The following COLEC10 variants were observed in gnomAD, a reference collection of about 807,000 sequenced individuals.
The protein encoded by COLEC10 is collectin-10.
COLEC10 carries 22 observed loss-of-function variants against 28.4 expected under a neutral mutation model. That is an observed-to-expected ratio of 0.78 (90% confidence interval 0.55 to 1.11). The LOEUF (loss-of-function observed/expected upper bound fraction) is 1.11, where lower values mean the gene tolerates loss of function less well. COLEC10 is among the 50% of genes least tolerant of loss of function. The pLI is 0.00. For synonymous variants in COLEC10, 125 were observed against 116.1 expected, an observed-to-expected ratio of 1.08 and a Z score of -0.49; for missense variants, 361 against 344.1, an observed-to-expected ratio of 1.05 and a Z score of -0.39.
At chr8:119,077,764 CT>C (rs199566008) in intron 1 of COLEC10, among the ~76,000 whole-genome samples, 5,268 of 152,014 alleles carry the variant, frequency 0.035, 135 homozygotes, top group South Asian at 0.11. Flanking sequence ...CAGAATTATT[CT>C]TTTTTTTATT....
intron 2 of COLEC10, among the ~76,000 whole-genome samples, chr8:119,012,424 GTT>G (rs1813916350): frequency 6.6e-6 from 1 of 150,506 alleles, no homozygotes; most frequent in East Asian, 1.9e-4. Flanking sequence ...CTGGTCTGTA[GTT>G]TTTTTTCTTG....
chr8:119,103,061 A>G (rs546077397), intron 4 of COLEC10, among the ~76,000 whole-genome samples: 2 of 152,310 alleles, frequency 1.3e-5, no homozygotes, highest in South Asian at 4.1e-4. Context: ...TACCAAAGGA[A>G]AAAAATTGAA....
the COLEC10 span, among the ~76,000 whole-genome samples, chr8:118,984,233 C>A: frequency 6.6e-6 from 1 of 151,972 alleles, no homozygotes; most frequent in Non-Finnish European, 1.5e-5. Context: ...AACACAGGAA[C>A]AGAAAACCAA....
chr8:119,083,628 T>C (rs1815410726), intron 1 of COLEC10, among the ~76,000 whole-genome samples: 1 of 152,196 alleles, frequency 6.6e-6, no homozygotes, highest in Non-Finnish European at 1.5e-5. Flanking sequence ...TACTTAATCT[T>C]TAGGTAACTC....
At chr8:119,015,452 TAGGA>T (rs1338979474) in intron 2 of COLEC10, among the ~76,000 whole-genome samples, 1 of 145,056 alleles carries the variant, frequency 6.9e-6, no homozygotes, top group Non-Finnish European at 1.5e-5. Flanking sequence ...CAGATCTTGT[TAGGA>T]AGAACAGAAT....
chr8:119,040,719 A>G (rs1814479069), intron 2 of COLEC10, among the ~76,000 whole-genome samples: 1 of 152,238 alleles, frequency 6.6e-6, no homozygotes. Flanking sequence ...AGATGTGGGC[A>G]GGAATAAAGG....
intron 1 of COLEC10, among the ~76,000 whole-genome samples, chr8:119,003,778 C>T (rs531927300): frequency 1.3e-5 from 2 of 152,098 alleles, no homozygotes; most frequent in East Asian, 1.9e-4. Context: ...AGCAGATTTC[C>T]CAGATTCTCT....
At chr8:118,997,499 A>G (rs1354788227) in intron 1 of COLEC10, among the ~76,000 whole-genome samples, 2 of 152,226 alleles carry the variant, frequency 1.3e-5, no homozygotes, top group Admixed American at 1.3e-4. Flanking sequence ...AATACTTAAT[A>G]AGCACTTTAA....
chr8:119,036,427 T>C (rs1011187311), intron 2 of COLEC10, among the ~76,000 whole-genome samples: 26 of 152,216 alleles, frequency 1.7e-4, no homozygotes, highest in African/African-American at 6.0e-4. Context: ...CTCATTATAA[T>C]ATATATTGTA....
chr8:119,013,459 T>C (rs1360057841), intron 2 of COLEC10, among the ~76,000 whole-genome samples: 1 of 150,742 alleles, frequency 6.6e-6, no homozygotes, highest in East Asian at 1.9e-4. Context: ...AAATAGTCTC[T>C]AGATTTCAAT....
chr8:118,966,166 A>G, the COLEC10 span, among the ~76,000 whole-genome samples: 1 of 152,136 alleles, frequency 6.6e-6, no homozygotes, highest in Non-Finnish European at 1.5e-5. Flanking sequence ...AAATGGTCCC[A>G]AGAATATGGA....
At chr8:118,977,216 G>C in the COLEC10 span, among the ~76,000 whole-genome samples, 1 of 143,976 alleles carries the variant, frequency 6.9e-6, no homozygotes, top group Non-Finnish European at 1.5e-5. Flanking sequence ...TCTAGAACTA[G>C]AAATACCATT....
At chr8:118,984,153 TA>T in the COLEC10 span, among the ~76,000 whole-genome samples, 150,030 of 151,546 alleles carry the variant, frequency 0.99, 74,267 homozygotes, top group South Asian at 1. Context: ...ATATAGTAAT[TA>T]AAAAAAAAAT....
chr8:118,988,679 G>A, the COLEC10 span, among the ~76,000 whole-genome samples: 7,420 of 152,180 alleles, frequency 0.049, 278 homozygotes, highest in East Asian at 0.17. Flanking sequence ...CCATCACACT[G>A]ACAAGTATAA....
chr8:118,973,828 C>T, the COLEC10 span, among the ~76,000 whole-genome samples: 7 of 152,072 alleles, frequency 4.6e-5, no homozygotes, highest in South Asian at 2.1e-4. Context: ...ATAGTCCAAA[C>T]CTTCCAGCTA....
chr8:119,047,412 A>G (rs1018719501), intron 2 of COLEC10, among the ~76,000 whole-genome samples: 5 of 152,208 alleles, frequency 3.3e-5, no homozygotes, highest in Non-Finnish European at 7.3e-5. Flanking sequence ...TCAGTAACCA[A>G]TAGTATGTTA....
chr8:118,984,704 A>G, the COLEC10 span, among the ~76,000 whole-genome samples: 1 of 152,142 alleles, frequency 6.6e-6, no homozygotes. Context: ...AAAAACCACC[A>G]GAGCCTAGGA....
intron 2 of COLEC10, among the ~76,000 whole-genome samples, chr8:119,049,401 CTTTTTTTTTTTTTTTTTTTTTTT>C (rs34885340): frequency 1.7e-5 from 1 of 60,080 alleles, no homozygotes. Context: ...ATTTTCTTTT[CTTTTTTTTTTTTTTTTTTTTTTT>C]TTTTTTTTGA....
At chr8:118,960,323 C>A in the COLEC10 span, among the ~76,000 whole-genome samples, 1 of 152,090 alleles carries the variant, frequency 6.6e-6, no homozygotes, top group African/African-American at 2.4e-5. Context: ...GTTTTACGGG[C>A]AGTAGAGGCT....
Sources: gnomAD v4.1 joint callset for allele counts (sites outside exome capture counted in the v4.1 genomes callset) on GRCh38, gnomAD v4.1.1 for gene constraint, MANE v1.5 for transcripts, NCBI Gene and HGNC (gene_info 2026-07-23, HGNC 2026-07-21) for gene names.